Variants in MAST1 observed in about 807,000 individuals in gnomAD.
MAST1 encodes microtubule-associated serine/threonine-protein kinase 1.
In MAST1, 40 loss-of-function variants were observed where a neutral mutation model predicts 124.6. The ratio of observed to expected loss-of-function variants is 0.32; its 90% CI spans 0.25 to 0.42. The LOEUF (loss-of-function observed/expected upper bound fraction) is 0.42. Ranked by LOEUF, MAST1 falls within the 10% of genes least tolerant of loss-of-function variation. The pLI is 1.00. For missense variants in MAST1, 1,558 were observed against 2,181.9 expected (o/e 0.71, Z 5.70); for synonymous variants, 938 against 939.4 (o/e 1.00, Z 0.03).
At chr19:12,844,756 A>C (rs1005864687) in intron 4 of MAST1, among the ~76,000 whole-genome samples, 1 of 152,168 alleles carries the variant, frequency 6.6e-6, no homozygotes, top group African/African-American at 2.4e-5. Flanking sequence ...AGGAATAGAG[A>C]TGATGCAGGC....
Position 12,865,568 on chromosome 19 carries a change from C to A in MAST1, c.1804+87C>A, listed in dbSNP as rs1295568698. ...AGGGTTCCAGGGATTTCAAAAGCGA[C>A]CCCCCAGAGGATCGCTTGCACTCAG... is the stretch of plus-strand genomic sequence containing the variant. On this transcript the variant is annotated intron_variant, in intron 15 of 25. Coordinates refer to ENST00000251472, the MANE Select transcript of MAST1 (RefSeq NM_014975.3). This position sits in a 1 kb window ranked among gnomAD's most constrained non-coding sequence, Gnocchi z 7.1. 2.7e-6 allele frequency: 4 copies of A among 1,499,520 alleles called. 1 individual carries two copies. The highest frequency in any genetic ancestry group is 3.6e-4 in the Middle Eastern group (2 of 5,578). The allele number at this position is 1,499,520 out of a possible 1,614,324, so 92.9% of individuals were successfully genotyped here. A position where few individuals can be genotyped will look rare whatever the true frequency, so the allele number is the denominator to read the frequency against.
At chr19:12,863,227 T>C (rs1970108503) in intron 12 of MAST1, among the ~76,000 whole-genome samples, 1 of 149,710 alleles carries the variant, frequency 6.7e-6, no homozygotes, top group Non-Finnish European at 1.5e-5. Context: ...TTGGCTCTTG[T>C]GGAGAGAGCA....
chr19:12,842,705 G>T (rs1248136660), intron 3 of MAST1, among the ~76,000 whole-genome samples: 1 of 152,226 alleles, frequency 6.6e-6, no homozygotes, highest in African/African-American at 2.4e-5. Flanking sequence ...GCGTGCGAGT[G>T]TGAATGAGTG....
Position 12,861,084 on chromosome 19 carries a change from A to G in MAST1, c.1366+2345A>G, listed in dbSNP as rs560088646. On this transcript the variant is annotated intron_variant, in intron 12 of 25. Coordinates refer to ENST00000251472, the MANE Select transcript of MAST1 (RefSeq NM_014975.3). ...AGGACATTTATTTATTTATTTATTT[A>G]TGGAGTCTCGCTCTTTCACCCAGGC... Among the ~76,000 whole-genome samples the G allele has an allele frequency of 4.6e-5, 7 of 152,134 alleles. 1 individual carries two copies. The South Asian group carries it at 1.2e-3, about 27-fold the overall frequency.
chr19:12,849,156 G>C (rs1969932026), intron 7 of MAST1, among the ~76,000 whole-genome samples: 1 of 152,022 alleles, frequency 6.6e-6, no homozygotes, highest in Non-Finnish European at 1.5e-5. Context: ...TGTCTGTTCT[G>C]TCCACTGCTG....
Position 12,874,390 on chromosome 19 carries a change from G to C in MAST1, c.4233G>C (p.Ala1411=), listed in dbSNP as rs940376323. The change falls in exon 26 of 26, where the codon GCG becomes GCC. Residue 1411 remains alanine (A), a synonymous_variant. Transcript: ENST00000251472. This position sits in a 1 kb window ranked among gnomAD's most constrained non-coding sequence, Gnocchi z 6.6. The part of the protein sequence containing the change: ...GGMARAVAKA[A]LSPVQEHETG... Reference sequence around the variant, plus strand: ...TGGCCAGGGCTGTGGCCAAGGCGGCGCTGAGCCCGGTGCAGGAACACGAGA... The same window carrying C: ...TGGCCAGGGCTGTGGCCAAGGCGGCCCTGAGCCCGGTGCAGGAACACGAGA... The C allele has an allele frequency of 1.3e-6, 2 of 1,598,572 alleles. No individual in the cohort carries two copies. Among genetic ancestry groups the C allele is most frequent in the African/African-American group, 2.7e-5 (2 of 74,998 alleles).
Position 12,869,082 on chromosome 19 carries a change from T to A in MAST1, c.2790T>A (p.Ser930Arg). 6.2e-7 allele frequency: 1 copy of A among 1,614,154 alleles called. No individual in the cohort carries two copies. The highest frequency in any genetic ancestry group is 8.5e-7 in the Non-Finnish European group (1 of 1,180,010). The change falls in exon 22 of 26, where the codon AGT becomes AGA. Residue 930 changes from serine to arginine, a missense_variant. Coordinates refer to ENST00000251472, the MANE Select transcript of MAST1 (RefSeq NM_014975.3). ...VMIPAVDPHG[S>R]SPLASPMSPR... The stretch of plus-strand genomic sequence containing the variant: ...TGTCTGTAGTGGACCCACATGGAAG[T>A]TCACCCCTTGCTAGTCCCATGTCTC...
intron 8 of MAST1, 22 bp downstream of exon 8, chr19:12,852,057 A>AG: frequency 6.2e-7 from 1 of 1,611,560 alleles, no homozygotes; most frequent in Non-Finnish European, 8.5e-7. Context: ...GGGCATGGGT[A>AG]GGGGTGGGTT....
chr19:12,842,333 C>A (rs1456632887), intron 3 of MAST1, among the ~76,000 whole-genome samples: 1 of 151,754 alleles, frequency 6.6e-6, no homozygotes, highest in Non-Finnish European at 1.5e-5. Flanking sequence ...CGCTCTGTTG[C>A]CCAGGCTGGA....
At chr19:12,840,876 G>A in intron 2 of MAST1, 115 bp from the exon 3 acceptor site, 1 of 774,734 alleles carries the variant, frequency 1.3e-6, no homozygotes, top group South Asian at 1.4e-5. Context: ...CAGGCGAAGG[G>A]GCGTGGTCTC....
chr19:12,874,911 A>G lies in MAST1; in HGVS notation c.*41A>G. 1 of 1,546,662 alleles carries G rather than the reference A, an allele frequency of 6.5e-7. No individual in the cohort carries two copies. The highest frequency in any genetic ancestry group is 8.7e-7 in the Non-Finnish European group (1 of 1,149,576). ...GCCCCGCGCTGTACAGCCTCCGTAT[A>G]CATATGTACACATATAAATAAAGTG... On this transcript the variant is annotated 3_prime_UTR_variant, in exon 26 of 26. Transcript: ENST00000251472. This position sits in a 1 kb window ranked among gnomAD's most constrained non-coding sequence, Gnocchi z 6.6.
chr19:12,845,228 G>A lies in MAST1; in HGVS notation c.327+1621G>A, dbSNP rs146840496. On this transcript the variant is annotated intron_variant, in intron 4 of 25. Transcript: ENST00000251472. ...GAGGCAGGGAGAATTGCTTGAACCT[G>A]AGAACTGGAGGTTGCAGTGAGCCAA... Among the ~76,000 whole-genome samples, 491 of 151,848 alleles carry A rather than the reference G, an allele frequency of 3.2e-3. 2 individuals carry two copies. The highest frequency in any genetic ancestry group is 0.011 in the African/African-American group (475 of 41,396).
Position 12,874,261 on chromosome 19 carries a change from G to A in MAST1, c.4104G>A (p.Ala1368=). 2 of 1,579,984 alleles carry A rather than the reference G, an allele frequency of 1.3e-6. No homozygotes were observed. The highest frequency in any genetic ancestry group is 1.7e-6 in the Non-Finnish European group (2 of 1,168,078). The part of the protein sequence containing the change: ...KEKESPGGAE[A]CTPPRATTPG... ...AGGAATCCCCGGGGGGCGCCGAGGC[G>A]TGCACCCCACCCCGCGCGACGACCC... Residue 1368 remains alanine (A), a synonymous_variant, in exon 26 of 26, where the codon GCG becomes GCA. Transcript: ENST00000251472. The surrounding 1 kb of genome is among the most constrained non-coding windows in gnomAD (Gnocchi z 6.6).
chr19:12,845,003 T>C (rs910836414), intron 4 of MAST1, among the ~76,000 whole-genome samples: 1 of 152,038 alleles, frequency 6.6e-6, no homozygotes, highest in African/African-American at 2.4e-5. Context: ...CAATGTGATG[T>C]TTAAAAATAT....
Position 12,873,476 on chromosome 19 carries a change from A to T in MAST1, c.3416A>T (p.His1139Leu), listed in dbSNP as rs1414097590. The T allele has an allele frequency of 1.2e-6, 2 of 1,609,010 alleles. No individual in the cohort carries two copies. Reference protein sequence around the residue: ...THGLPARSPTHSYRSTPDSAY... With the variant: ...THGLPARSPTLSYRSTPDSAY... ...GGGCTGCCGGCGCGCTCGCCCACGCACAGCTACCGCTCCACGCCTGACTCC... is the reference window on the plus strand; with the variant it reads ...GGGCTGCCGGCGCGCTCGCCCACGCTCAGCTACCGCTCCACGCCTGACTCC... Residue 1139 changes from histidine (H) to leucine (L), a missense_variant, in exon 25 of 26, where the codon CAC (histidine) becomes CTC (leucine). Transcript: ENST00000251472.
chr19:12,863,451 T>C lies in MAST1; in HGVS notation c.1367-1358T>C, dbSNP rs1480409324. 2.0e-5 allele frequency among the ~76,000 whole-genome samples: 3 copies of C among 152,140 alleles called. No individual in the cohort carries two copies. In the East Asian group the frequency reaches 5.8e-4, roughly 29 times the overall value. ...AGAAAAAAGAAAGAAATCATTAGCT[T>C]TCTTGGTCATTGGTGATTGAAAAAC... On this transcript the variant is annotated intron_variant, in intron 12 of 25. Transcript: ENST00000251472.
chr19:12,858,771 G>A, intron 12 of MAST1, 32 bp downstream of exon 12: 1 of 1,611,480 alleles, frequency 6.2e-7, no homozygotes, highest in South Asian at 1.1e-5. Flanking sequence ...CAGGGAAGAT[G>A]GGGCCGTGCT....
Position 12,852,254 on chromosome 19 carries a change from G to A in MAST1, c.1009+7G>A. 2 of 1,613,990 alleles carry A rather than the reference G, an allele frequency of 1.2e-6. No homozygotes were observed. The highest frequency in any genetic ancestry group is 2.2e-5 in the East Asian group (1 of 44,876). On this transcript the variant is annotated splice_region_variant and intron_variant, in intron 9 of 25. Transcript: ENST00000251472. ...ACCCGTGACCCCTTTCCAGGTGCCG[G>A]CTGGTGGGCGCAGGGGGACTGGGGG...
chr19:12,867,694 G>T, intron 19 of MAST1, 36 bp from the exon 20 acceptor site: 1 of 1,537,788 alleles, frequency 6.5e-7, no homozygotes, highest in East Asian at 2.4e-5. Flanking sequence ...GGGTCGAAGG[G>T]GGCGTGTCTT....
Sources: gnomAD v4.1 joint callset for allele counts (sites outside exome capture counted in the v4.1 genomes callset) on GRCh38, gnomAD v4.1.1 for gene constraint, Gnocchi (gnomAD v3.1) non-coding constraint, MANE v1.5 for transcripts, NCBI Gene and HGNC (gene_info 2026-07-23, HGNC 2026-07-21) for gene names.